The following WWP1 variants were observed in gnomAD, a reference collection of about 807,000 sequenced individuals.
The protein encoded by WWP1 is NEDD4-like E3 ubiquitin-protein ligase WWP1.
WWP1 carries 49 observed loss-of-function variants against 130.6 expected under a neutral mutation model. That is an observed-to-expected ratio of 0.38 (90% CI 0.30 to 0.48). WWP1 has a LOEUF of 0.48. WWP1 is among the 20% of genes least tolerant of loss of function. The pLI, the probability that WWP1 is intolerant of heterozygous loss-of-function variation, is 0.99. For missense variants in WWP1, 809 were observed against 1,100.6 expected (o/e 0.74, Z 3.75); for synonymous variants, 332 against 367.8 (o/e 0.90, Z 1.11).
chr8:86,403,463 G>A (rs1808112038), intron 8 of WWP1, among the ~76,000 whole-genome samples: 1 of 151,768 alleles, frequency 6.6e-6, no homozygotes, highest in Admixed American at 6.6e-5. Context: ...GCCCCCTAAT[G>A]TTTGTATTTT....
chr8:86,369,938 A>G (rs1348305759), intron 2 of WWP1, among the ~76,000 whole-genome samples: 1 of 152,112 alleles, frequency 6.6e-6, no homozygotes, highest in Non-Finnish European at 1.5e-5. Context: ...TGAGTGTACC[A>G]GATAATATGT....
At chr8:86,372,221 A>T (rs1035645849) in intron 2 of WWP1, among the ~76,000 whole-genome samples, 1 of 150,964 alleles carries the variant, frequency 6.6e-6, no homozygotes, top group Non-Finnish European at 1.5e-5. Flanking sequence ...ACGGGGTTTC[A>T]CCGTGTTACC....
At chr8:86,359,921 C>T (rs1213010387) in intron 1 of WWP1, among the ~76,000 whole-genome samples, 3 of 151,792 alleles carry the variant, frequency 2.0e-5, no homozygotes, top group Non-Finnish European at 4.4e-5. Flanking sequence ...TGGTGGCGGG[C>T]GCCTGTAGTC....
intron 24 of WWP1, among the ~76,000 whole-genome samples, 164 bp from the exon 25 acceptor site, chr8:86,466,630 A>G (rs1482053307): frequency 4.6e-5 from 7 of 151,258 alleles, no homozygotes; most frequent in African/African-American, 1.7e-4. Context: ...AATAGTTTTT[A>G]TATGTAAGTC....
In WWP1 at chr8:86,374,888, A is replaced by T. The variant is rs180913234; in HGVS notation, c.70+768A>T. ...CCTTGCCTGGCTAATTTAAAAAAAA[A>T]TTTTTTTAGAGACAGGGTCTCACTA... On this transcript the variant is annotated intron_variant, in intron 3 of 24. Transcript: ENST00000517970. Among the ~76,000 whole-genome samples, 1,491 of 151,904 alleles carry T rather than the reference A, an allele frequency of 9.8e-3. 29 individuals carry two copies. The highest frequency in any genetic ancestry group is 0.034 in the African/African-American group (1,419 of 41,392).
intron 9 of WWP1, among the ~76,000 whole-genome samples, chr8:86,416,902 C>T (rs1231259443): frequency 6.6e-6 from 1 of 152,256 alleles, no homozygotes; most frequent in East Asian, 1.9e-4. Context: ...GAGCAGCCCC[C>T]TTTACCCCTG....
intron 9 of WWP1, among the ~76,000 whole-genome samples, chr8:86,419,101 A>C (rs1276113896): frequency 5.3e-5 from 8 of 152,164 alleles, no homozygotes; most frequent in African/African-American, 1.9e-4. Flanking sequence ...GATCAAAAAA[A>C]CAACCTAGAA....
rs530741456 is a variant in WWP1 at position 86,429,218 on chromosome 8, C to A, written c.1332+1401C>A. Among the ~76,000 whole-genome samples, 3 of 152,264 alleles carry A rather than the reference C, an allele frequency of 2.0e-5. No individual in the cohort carries two copies. In the South Asian group the frequency reaches 6.2e-4, roughly 32 times the overall value. On this transcript the variant is annotated intron_variant, in intron 11 of 24. Transcript: ENST00000517970. ...TGGCTCTGTTGTTGCAAGCCCTTGC[C>A]TTTTTTACTTAGCGAAGGATGCCCT...
chr8:86,441,810 A>G (rs977959486), intron 17 of WWP1, among the ~76,000 whole-genome samples: 13 of 152,198 alleles, frequency 8.5e-5, no homozygotes, highest in African/African-American at 2.4e-4. Flanking sequence ...GAGAATAGAG[A>G]AGGAATCCCC....
At chr8:86,416,290 A>C (rs1808882835) in intron 9 of WWP1, among the ~76,000 whole-genome samples, 1 of 152,204 alleles carries the variant, frequency 6.6e-6, no homozygotes, top group Non-Finnish European at 1.5e-5. Context: ...GGAAGGAGGA[A>C]TGTTTGAAAG....
At chr8:86,416,649 A>G (rs28593581) in intron 9 of WWP1, among the ~76,000 whole-genome samples, 29,562 of 151,672 alleles carry the variant, frequency 0.19, 4,839 homozygotes, top group African/African-American at 0.45. Flanking sequence ...TTTTAGTGAG[A>G]CAGAGAGACC....
chr8:86,360,935 A>T (rs1823556796), intron 1 of WWP1, among the ~76,000 whole-genome samples: 1 of 152,212 alleles, frequency 6.6e-6, no homozygotes. Context: ...TGGATGGAGC[A>T]GTGAATGCAA....
intron 1 of WWP1, among the ~76,000 whole-genome samples, chr8:86,350,454 T>C (rs974538420): frequency 1.3e-5 from 2 of 151,812 alleles, no homozygotes; most frequent in African/African-American, 4.9e-5. Flanking sequence ...TCATGTACAC[T>C]AAAAAACGGG....
chr8:86,351,420 G>A (rs1822908114), intron 1 of WWP1, among the ~76,000 whole-genome samples: 1 of 151,944 alleles, frequency 6.6e-6, no homozygotes. Context: ...TTCATAGCAG[G>A]CTTGACCTCG....
intron 5 of WWP1, among the ~76,000 whole-genome samples, chr8:86,386,077 C>T (rs2130394355): frequency 6.6e-6 from 1 of 152,270 alleles, no homozygotes; most frequent in Non-Finnish European, 1.5e-5. Flanking sequence ...TGTCTAATTT[C>T]CTGCTTACAT....
chr8:86,424,217 G>T lies in WWP1; in HGVS notation c.1062-1006G>T, dbSNP rs189055932. Among the ~76,000 whole-genome samples, 490 of 149,744 alleles carry T rather than the reference G, an allele frequency of 3.3e-3. 3 individuals are homozygous for T. Among genetic ancestry groups the T allele is most frequent in the African/African-American group, 0.011 (449 of 40,660 alleles). On this transcript the variant is annotated intron_variant, in intron 9 of 24. Coordinates refer to ENST00000517970, the MANE Select transcript of WWP1 (RefSeq NM_007013.4). ...CTCACATCCCAGACGGGGCGGCGGG[G>T]CAGAGGCGCTCCCCACATCTCAGAC...
At position 86,461,829 on chromosome 8, in the gene WWP1, A is replaced by T; in HGVS notation, c.2652A>T (p.Leu884Phe). 1 of 1,613,990 alleles carries T rather than the reference A, an allele frequency of 6.2e-7. No individual in the cohort carries two copies. Among genetic ancestry groups the T allele is most frequent in the Non-Finnish European group, 8.5e-7 (1 of 1,179,906 alleles). The part of the protein sequence containing the change: ...CIEKVGKDTW[L>F]PRSHTCFNRL... Reference sequence around the variant, plus strand: ...AAAAAGTTGGCAAAGACACTTGGTTACCAAGAAGCCATACATGGTAAGTTC... The same window carrying T: ...AAAAAGTTGGCAAAGACACTTGGTTTCCAAGAAGCCATACATGGTAAGTTC... The change falls in exon 24 of 25, where the codon TTA (leucine) becomes TTT (phenylalanine). Residue 884 changes from leucine (L) to phenylalanine (F), a missense_variant. By Grantham distance (22) the Leu-to-Phe change is conservative (BLOSUM62 0). This residue lies in a region of WWP1 where 450 missense variants were observed against 674.2 expected (regional missense o/e 0.67). Coordinates refer to ENST00000517970, the MANE Select transcript of WWP1 (RefSeq NM_007013.4).
At position 86,461,757 on chromosome 8, in the gene WWP1, T is replaced by G; in HGVS notation, c.2597-17T>G. 6.2e-7 allele frequency: 1 copy of G among 1,610,322 alleles called. No homozygotes were observed. On this transcript the variant is annotated splice_polypyrimidine_tract_variant and intron_variant, in intron 23 of 24. Coordinates refer to ENST00000517970, the MANE Select transcript of WWP1 (RefSeq NM_007013.4). ...TTTAAAGGACCAGATAAACTTTGTC[T>G]TATTTTCTTGGTGTAGGAAGTAATG...
chr8:86,415,117 G>T (rs981782944), intron 9 of WWP1, among the ~76,000 whole-genome samples: 2 of 152,136 alleles, frequency 1.3e-5, no homozygotes, highest in African/African-American at 4.8e-5. Context: ...TAACATTTGA[G>T]TGTTATGCCA....
Sources: gnomAD v4.1 joint callset for allele counts (sites outside exome capture counted in the v4.1 genomes callset) on GRCh38, gnomAD v4.1.1 for gene constraint, gnomAD v4.1.1 regional missense constraint, MANE v1.5 for transcripts, NCBI Gene and HGNC (gene_info 2026-07-23, HGNC 2026-07-21) for gene names.